FBXW7: variants seen among roughly 807,000 people sequenced by gnomAD.
FBXW7 encodes the protein F-box/WD repeat-containing protein 7.
Under a neutral mutation model 86.3 loss-of-function variants are expected in FBXW7, and 11 were observed. That is an observed-to-expected ratio of 0.13 (90% CI 0.08 to 0.21). FBXW7 has a LOEUF of 0.21. Ranked by LOEUF, FBXW7 falls within the 10% of genes least tolerant of loss-of-function variation. The pLI is 1.00. For synonymous variants in FBXW7, 313 were observed against 297.9 expected, an observed-to-expected ratio of 1.05 and a Z score of -0.52; for missense variants, 488 against 847.4, an observed-to-expected ratio of 0.58 and a Z score of 5.27.
chr4:152,413,266 A>G (rs1341458299), intron 2 of FBXW7, among the ~76,000 whole-genome samples: 1 of 152,090 alleles, frequency 6.6e-6, no homozygotes, highest in Non-Finnish European at 1.5e-5. Context: ...TATATCAAAT[A>G]TTAATATAGA....
intron 9 of FBXW7, 91 bp downstream of exon 9, chr4:152,330,641 G>A (rs751445163): frequency 1.9e-6 from 2 of 1,077,172 alleles, no homozygotes; most frequent in Non-Finnish European, 2.5e-6. Context: ...CAGAAGAGGA[G>A]TGTCATATTA....
At chr4:152,521,993 G>A (rs1384947947) in intron 2 of FBXW7, among the ~76,000 whole-genome samples, 3 of 151,464 alleles carry the variant, frequency 2.0e-5, no homozygotes, top group Non-Finnish European at 4.4e-5. Flanking sequence ...CTAATTTTCT[G>A]TATTTTTAGT....
chr4:152,483,347 T>C lies in FBXW7; in HGVS notation c.-120+51594A>G, dbSNP rs374013705. The stretch of plus-strand genomic sequence containing the variant: ...AAATGTTTTCTCTCACAGAATTCCA[T>C]TGTAATAGAGTCAAATCTGTTTCCC... On this transcript the variant is annotated intron_variant, in intron 2 of 13. Transcript: ENST00000281708. Among the ~76,000 whole-genome samples the C allele has an allele frequency of 1.2e-4, 19 of 152,140 alleles. No homozygotes were observed. In the South Asian group the frequency reaches 1.9e-3, roughly 15 times the overall value.
intron 2 of FBXW7, among the ~76,000 whole-genome samples, chr4:152,503,518 T>C (rs1342820860): frequency 1.3e-5 from 2 of 152,264 alleles, no homozygotes; most frequent in Admixed American, 1.3e-4. Context: ...GAGATCCACT[T>C]GCCTTGGCCT....
intron 2 of FBXW7, among the ~76,000 whole-genome samples, chr4:152,480,537 T>TAA (rs1230786389): frequency 2.0e-5 from 3 of 152,110 alleles, no homozygotes; most frequent in African/African-American, 7.2e-5. Context: ...TGGAAATAAT[T>TAA]AAGCTTAGTG....
intron 4 of FBXW7, among the ~76,000 whole-genome samples, chr4:152,363,099 T>C (rs534407002): frequency 1.1e-4 from 16 of 152,248 alleles, no homozygotes; most frequent in Admixed American, 2.0e-4. Flanking sequence ...CATTTATAGG[T>C]AGCACAGAAA....
intron 4 of FBXW7, among the ~76,000 whole-genome samples, chr4:152,394,930 T>G (rs1736291302): frequency 6.6e-6 from 1 of 152,082 alleles, no homozygotes; most frequent in Non-Finnish European, 1.5e-5. Flanking sequence ...CCACTATTCA[T>G]GAGAATTAAT....
chr4:152,385,584 T>C (rs1241639058), intron 4 of FBXW7, among the ~76,000 whole-genome samples: 1 of 152,032 alleles, frequency 6.6e-6, no homozygotes, highest in Non-Finnish European at 1.5e-5. Context: ...AAAGTTACTA[T>C]GAAGTAAAGC....
chr4:152,383,185 G>C (rs763894166), intron 4 of FBXW7, among the ~76,000 whole-genome samples: 12 of 152,252 alleles, frequency 7.9e-5, no homozygotes, highest in Admixed American at 2.0e-4. Context: ...TATTTATAAA[G>C]TAATCTATGA....
chr4:152,323,289 C>T, intron 13 of FBXW7, 140 bp from the exon 14 acceptor site: 3 of 1,034,934 alleles, frequency 2.9e-6, no homozygotes, highest in South Asian at 3.5e-5. Flanking sequence ...AACCCATGTC[C>T]TCAGTATTTT....
At chr4:152,333,371 G>A (rs1220074936) in intron 7 of FBXW7, among the ~76,000 whole-genome samples, 2 of 151,702 alleles carry the variant, frequency 1.3e-5, no homozygotes, top group African/African-American at 4.8e-5. Context: ...GTATATTTGA[G>A]CTAAATCTTT....
intron 4 of FBXW7, among the ~76,000 whole-genome samples, chr4:152,370,137 G>A (rs1733880926): frequency 6.6e-6 from 1 of 151,938 alleles, no homozygotes; most frequent in African/African-American, 2.4e-5. Flanking sequence ...TGATAACGCA[G>A]AGATTTCTAT....
At chr4:152,418,127 C>A (rs1034317460) in intron 2 of FBXW7, among the ~76,000 whole-genome samples, 2 of 143,844 alleles carry the variant, frequency 1.4e-5, no homozygotes, top group African/African-American at 5.1e-5. Flanking sequence ...ACAGCTCTTA[C>A]CACACACACA....
intron 4 of FBXW7, among the ~76,000 whole-genome samples, chr4:152,376,838 AC>A (rs1734572346): frequency 1.3e-5 from 2 of 152,126 alleles, no homozygotes; most frequent in African/African-American, 4.8e-5. Context: ...CCCTCAGTTT[AC>A]AAAAAGACAC....
At chr4:152,514,352 A>G (rs80136744) in intron 2 of FBXW7, among the ~76,000 whole-genome samples, 2,441 of 152,306 alleles carry the variant, frequency 0.016, 75 homozygotes, top group African/African-American at 0.056. Flanking sequence ...AGTGATAAAT[A>G]TAAGAACTGA....
chr4:152,500,649 T>C (rs1417046831), intron 2 of FBXW7, among the ~76,000 whole-genome samples: 2 of 152,068 alleles, frequency 1.3e-5, no homozygotes, highest in Admixed American at 6.6e-5. Flanking sequence ...GAAACTAGCT[T>C]CCCCATGGAT....
intron 2 of FBXW7, among the ~76,000 whole-genome samples, chr4:152,445,400 T>C (rs2126998247): frequency 6.6e-6 from 1 of 152,258 alleles, no homozygotes; most frequent in Middle Eastern, 3.4e-3. Context: ...TTAAAAAATA[T>C]TTGCATTATA....
intron 2 of FBXW7, among the ~76,000 whole-genome samples, chr4:152,483,188 ACT>A (rs1218162351): frequency 2.6e-5 from 4 of 151,748 alleles, no homozygotes; most frequent in African/African-American, 9.7e-5. Flanking sequence ...ATTTGTGTAC[ACT>A]CTTTGAATTA....
At chr4:152,388,165 A>G (rs1397114281) in intron 4 of FBXW7, among the ~76,000 whole-genome samples, 1 of 152,168 alleles carries the variant, frequency 6.6e-6, no homozygotes, top group African/African-American at 2.4e-5. Flanking sequence ...CAAAGTGCTC[A>G]CTCAGATTAC....
Sources: gnomAD v4.1 joint callset for allele counts (sites outside exome capture counted in the v4.1 genomes callset) on GRCh38, gnomAD v4.1.1 for gene constraint, MANE v1.5 for transcripts, NCBI Gene and HGNC (gene_info 2026-07-23, HGNC 2026-07-21) for gene names.